The following CHST8 variants were observed in gnomAD, a reference collection of about 807,000 sequenced individuals.
CHST8 encodes carbohydrate sulfotransferase 8.
A neutral mutation model predicts 15.0 loss-of-function variants in CHST8; 10 were observed. The ratio of observed to expected loss-of-function variants is 0.67; its 90% CI spans 0.41 to 1.13. The LOEUF is 1.13. CHST8 is among the 50% of genes most tolerant of loss of function. The pLI is 0.00. For synonymous variants in CHST8, 259 were observed against 256.6 expected (o/e 1.01, Z -0.09); for missense variants, 634 against 608.2 (o/e 1.04, Z -0.45).
At chr19:33,719,556 C>T (rs534658449) in intron 3 of CHST8, among the ~76,000 whole-genome samples, 14 of 151,902 alleles carry the variant, frequency 9.2e-5, no homozygotes, top group Non-Finnish European at 1.9e-4. Flanking sequence ...AGGTGGCAGG[C>T]GCTGAGAGAC....
intron 3 of CHST8, among the ~76,000 whole-genome samples, chr19:33,757,436 A>G (rs182467504): frequency 0.1 from 2,406 of 23,024 alleles, 161 homozygotes; most frequent in Non-Finnish European, 0.13. Flanking sequence ...GAAAGAAAGA[A>G]AGAAAGAAAG....
At chr19:33,755,273 T>A (rs1264737756) in intron 3 of CHST8, among the ~76,000 whole-genome samples, 1 of 152,168 alleles carries the variant, frequency 6.6e-6, no homozygotes, top group African/African-American at 2.4e-5. Flanking sequence ...TACTCCCTGT[T>A]ACACAGCAGC....
At chr19:33,734,103 A>G (rs1361700338) in intron 3 of CHST8, among the ~76,000 whole-genome samples, 3 of 152,360 alleles carry the variant, frequency 2.0e-5, no homozygotes, top group South Asian at 2.1e-4. Context: ...GGCACAAGAT[A>G]CAGGTAATAA....
chr19:33,754,156 G>A (rs895341162), intron 3 of CHST8, among the ~76,000 whole-genome samples: 1 of 138,524 alleles, frequency 7.2e-6, no homozygotes, highest in East Asian at 2.2e-4. Flanking sequence ...TGTGCCCCCC[G>A]TGTGCATCTC....
intron 3 of CHST8, among the ~76,000 whole-genome samples, chr19:33,718,698 CGTTCAGTCCCTGT>C (rs1973715369): frequency 6.6e-6 from 1 of 152,228 alleles, no homozygotes; most frequent in Non-Finnish European, 1.5e-5. Flanking sequence ...TCAACGTACA[CGTTCAGTCCCTGT>C]GTTTACCCAG....
At chr19:33,765,301 T>C (rs2145386062) in intron 3 of CHST8, among the ~76,000 whole-genome samples, 1 of 151,882 alleles carries the variant, frequency 6.6e-6, no homozygotes, top group East Asian at 1.9e-4. Context: ...CAAGAGGCAG[T>C]GGAGGGAGTG....
chr19:33,741,490 A>G (rs1187311646), intron 3 of CHST8, among the ~76,000 whole-genome samples: 1 of 152,228 alleles, frequency 6.6e-6, no homozygotes, highest in African/African-American at 2.4e-5. Context: ...CAGTGGTCAC[A>G]CACCACATAC....
rs576768766 is a variant in CHST8, at chr19:33,717,061, G to A, written c.130+27670G>A. ...TACCGGTGGGCTGGGGGAGGTCCTC[G>A]AATGCCAGTGGGGCCTCAACCCCAG... On this transcript the variant is annotated intron_variant, in intron 3 of 4. Transcript: ENST00000650847. Among the ~76,000 whole-genome samples the A allele has an allele frequency of 5.3e-5, 8 of 152,178 alleles. No individual in the cohort carries two copies. The South Asian group carries it at 1.2e-3, about 24-fold the overall frequency.
At chr19:33,632,135 CTCTCT>C (rs1372507804) in intron 1 of CHST8, among the ~76,000 whole-genome samples, 8 of 138,924 alleles carry the variant, frequency 5.8e-5, no homozygotes, top group Non-Finnish European at 9.6e-5. Context: ...GTCTCTCTCT[CTCTCT>C]TTTTTTTTTT....
At chr19:33,685,250 A>T (rs1972956553) in intron 2 of CHST8, 1 of 152,168 alleles carries the variant, frequency 6.6e-6, no homozygotes, top group Admixed American at 6.5e-5. Context: ...CCCTGAAGTG[A>T]ATTTCTTCAA....
intron 3 of CHST8, among the ~76,000 whole-genome samples, chr19:33,755,050 C>T (rs1240749461): frequency 1.3e-5 from 2 of 152,336 alleles, no homozygotes; most frequent in South Asian, 2.1e-4. Context: ...TGCAGCAGAG[C>T]TAAAGGCTGG....
intron 1 of CHST8, among the ~76,000 whole-genome samples, chr19:33,658,057 G>A (rs1045850090): frequency 1.3e-5 from 2 of 151,968 alleles, no homozygotes; most frequent in African/African-American, 4.8e-5. Context: ...ATTTACAGTA[G>A]GGCTGGGTGT....
intron 3 of CHST8, among the ~76,000 whole-genome samples, chr19:33,726,301 C>G (rs1599590699): frequency 6.6e-6 from 1 of 152,144 alleles, no homozygotes; most frequent in Admixed American, 6.5e-5. Context: ...TGGCTCATGC[C>G]TGTAATCCCA....
At chr19:33,681,861 T>C (rs1213483742) in intron 2 of CHST8, among the ~76,000 whole-genome samples, 4 of 151,212 alleles carry the variant, frequency 2.6e-5, no homozygotes, top group Non-Finnish European at 5.9e-5. Context: ...CTGAGGGTTT[T>C]GGGTTTTGCT....
At chr19:33,634,677 CA>C (rs3040761) in intron 1 of CHST8, among the ~76,000 whole-genome samples, 287 of 52,358 alleles carry the variant, frequency 5.5e-3, no homozygotes, top group African/African-American at 0.011. Flanking sequence ...GTCACGAAAC[CA>C]AAAAAAAAAA....
intron 1 of CHST8, among the ~76,000 whole-genome samples, chr19:33,624,836 C>G (rs759120273): frequency 6.6e-6 from 1 of 152,108 alleles, no homozygotes; most frequent in Non-Finnish European, 1.5e-5. Flanking sequence ...TTAGTGAGTG[C>G]GGCTGTGCTT....
chr19:33,630,618 G>A (rs1020916625), intron 1 of CHST8, among the ~76,000 whole-genome samples: 31 of 151,618 alleles, frequency 2.0e-4, no homozygotes, highest in African/African-American at 6.8e-4. Flanking sequence ...ACACTGGTGG[G>A]GCCAGTGCAT....
intron 3 of CHST8, among the ~76,000 whole-genome samples, chr19:33,751,205 C>T (rs543602753): frequency 5.5e-4 from 84 of 152,260 alleles, no homozygotes; most frequent in Middle Eastern, 3.4e-3. Flanking sequence ...TCGCTTGGCC[C>T]GGCTGACCAG....
chr19:33,763,425 C>T (rs1279205515), intron 3 of CHST8, among the ~76,000 whole-genome samples: 1 of 152,194 alleles, frequency 6.6e-6, no homozygotes, highest in Non-Finnish European at 1.5e-5. Flanking sequence ...TGCCTCCCCT[C>T]GAAGTCCACA....
Sources: allele counts gnomAD v4.1 joint callset (sites outside exome capture counted in the v4.1 genomes callset), GRCh38; gene constraint gnomAD v4.1.1; transcripts MANE v1.5; gene names NCBI Gene and HGNC (gene_info 2026-07-23, HGNC 2026-07-21).